The following RSU1 variants were observed in gnomAD, a reference collection of about 807,000 sequenced individuals.
The protein encoded by RSU1 is Ras suppressor protein 1.
A neutral mutation model predicts 31.1 loss-of-function variants in RSU1; 26 were observed. That is an observed-to-expected ratio of 0.84 (90% CI 0.61 to 1.16). The LOEUF (loss-of-function observed/expected upper bound fraction) is 1.16. Ranked by LOEUF, RSU1 falls within the 50% of genes most tolerant of loss-of-function variation. RSU1 has a pLI of 0.00. For missense variants in RSU1, 320 were observed against 339.1 expected, an observed-to-expected ratio of 0.94 and a Z score of 0.44; for synonymous variants, 164 against 136.3, an observed-to-expected ratio of 1.20 and a Z score of -1.41.
chr10:16,689,253 T>A (rs1835496897), intron 8 of RSU1, among the ~76,000 whole-genome samples: 1 of 152,238 alleles, frequency 6.6e-6, no homozygotes, highest in African/African-American at 2.4e-5. Context: ...GCTAGCTCTG[T>A]GCACCCATTT....
intron 8 of RSU1, among the ~76,000 whole-genome samples, chr10:16,644,577 A>G (rs1209239663): frequency 4.6e-5 from 7 of 152,216 alleles, no homozygotes; most frequent in Admixed American, 4.6e-4. Flanking sequence ...TCATACAGCT[A>G]AAAAGTAGTG....
chr10:16,679,876 T>G (rs1024486184), intron 8 of RSU1, among the ~76,000 whole-genome samples: 3 of 33,586 alleles, frequency 8.9e-5, no homozygotes, highest in East Asian at 1.5e-3. Context: ...CAAGTTTTTT[T>G]TTTTTTTTTT....
intron 4 of RSU1, among the ~76,000 whole-genome samples, 159 bp downstream of exon 4, chr10:16,764,231 T>A (rs1221858448): frequency 6.6e-6 from 1 of 152,190 alleles, no homozygotes; most frequent in Non-Finnish European, 1.5e-5. Flanking sequence ...ACTGAAAGAA[T>A]ATATTAAAAC....
intron 8 of RSU1, among the ~76,000 whole-genome samples, chr10:16,610,331 T>G (rs1833871709): frequency 6.6e-6 from 1 of 152,134 alleles, no homozygotes; most frequent in Admixed American, 6.5e-5. Flanking sequence ...TGTACTTAGA[T>G]GAAAGACATT....
chr10:16,805,149 G>A (rs1342535434), intron 2 of RSU1, among the ~76,000 whole-genome samples: 1 of 152,140 alleles, frequency 6.6e-6, no homozygotes, highest in Non-Finnish European at 1.5e-5. Context: ...AGAGGCTGCA[G>A]TGAGCCCAGA....
intron 8 of RSU1, among the ~76,000 whole-genome samples, chr10:16,682,628 C>A (rs1439202722): frequency 2.0e-5 from 3 of 149,724 alleles, no homozygotes; most frequent in Non-Finnish European, 3.0e-5. Context: ...TCGGGAACAC[C>A]TACTCTGTCT....
intron 8 of RSU1, among the ~76,000 whole-genome samples, chr10:16,689,787 T>C (rs770442519): frequency 6.6e-6 from 1 of 151,452 alleles, no homozygotes; most frequent in Non-Finnish European, 1.5e-5. Context: ...CACAAATGAG[T>C]GGGGAACTTT....
intron 7 of RSU1, among the ~76,000 whole-genome samples, chr10:16,731,292 C>A (rs530113922): frequency 6.6e-6 from 1 of 151,546 alleles, no homozygotes; most frequent in Non-Finnish European, 1.5e-5. Flanking sequence ...TAGCCGGGCG[C>A]GGGGGTGGGC....
intron 8 of RSU1, among the ~76,000 whole-genome samples, chr10:16,676,980 A>G (rs1835246705): frequency 6.6e-6 from 1 of 152,096 alleles, no homozygotes; most frequent in African/African-American, 2.4e-5. Flanking sequence ...ACTGTTAGGG[A>G]CCCTTGAATG....
chr10:16,742,834 C>A (rs1179006277), intron 7 of RSU1, among the ~76,000 whole-genome samples: 1 of 152,194 alleles, frequency 6.6e-6, no homozygotes, highest in African/African-American at 2.4e-5. Context: ...TGTGTTGCAA[C>A]TTCCCAACCC....
chr10:16,594,319 C>T (rs1833567873), intron 8 of RSU1, among the ~76,000 whole-genome samples: 1 of 152,144 alleles, frequency 6.6e-6, no homozygotes, highest in Non-Finnish European at 1.5e-5. Context: ...CGTCCCTGTA[C>T]CAGGTGGCCC....
intron 8 of RSU1, among the ~76,000 whole-genome samples, chr10:16,622,916 G>A (rs183864428): frequency 1.3e-5 from 2 of 152,312 alleles, no homozygotes; most frequent in Non-Finnish European, 2.9e-5. Flanking sequence ...TCAATGATCT[G>A]AATGTCTAAG....
At chr10:16,679,436 G>A (rs1724700047) in intron 8 of RSU1, among the ~76,000 whole-genome samples, 1 of 152,144 alleles carries the variant, frequency 6.6e-6, no homozygotes, top group South Asian at 2.1e-4. Flanking sequence ...GATAGCCACT[G>A]TTATTATTAA....
At chr10:16,734,964 G>A (rs892493746) in intron 7 of RSU1, among the ~76,000 whole-genome samples, 1 of 152,172 alleles carries the variant, frequency 6.6e-6, no homozygotes, top group Non-Finnish European at 1.5e-5. Flanking sequence ...GACACAGGGA[G>A]AAAAGGGCCA....
chr10:16,803,654 TAGAA>T (rs1463354252), intron 2 of RSU1, among the ~76,000 whole-genome samples: 1 of 152,042 alleles, frequency 6.6e-6, no homozygotes, highest in Admixed American at 6.6e-5. Flanking sequence ...TGGAATAAAA[TAGAA>T]AGCCCAGAAA....
In RSU1 at chr10:16,601,593, C is replaced by T. The variant is rs545138735; in HGVS notation, c.732-8097G>A. On this transcript the variant is annotated intron_variant, in intron 8 of 8. Transcript: ENST00000345264. Reference sequence around the variant, plus strand: ...TTCCCGATGCAGGTGACTTCCCTTCCCAGTGTGTCCTACACAGGATGTCTG... The same window carrying T: ...TTCCCGATGCAGGTGACTTCCCTTCTCAGTGTGTCCTACACAGGATGTCTG... Among the ~76,000 whole-genome samples the T allele has an allele frequency of 2.6e-5, 4 of 152,258 alleles. No homozygotes were observed. The East Asian group carries it at 7.7e-4, about 29-fold the overall frequency.
At chr10:16,658,555 C>G (rs1834830815) in intron 8 of RSU1, among the ~76,000 whole-genome samples, 1 of 152,080 alleles carries the variant, frequency 6.6e-6, no homozygotes, top group Non-Finnish European at 1.5e-5. Context: ...GAAACCCCGT[C>G]TCTACTAAAA....
At chr10:16,777,842 G>GGAA (rs1328896730) in intron 3 of RSU1, among the ~76,000 whole-genome samples, 1 of 152,068 alleles carries the variant, frequency 6.6e-6, no homozygotes, top group Non-Finnish European at 1.5e-5. Context: ...AAGAAACACA[G>GGAA]GAAGATGACC....
chr10:16,653,766 T>C (rs946386117), intron 8 of RSU1, among the ~76,000 whole-genome samples: 1 of 152,098 alleles, frequency 6.6e-6, no homozygotes, highest in African/African-American at 2.4e-5. Flanking sequence ...GACAAGAGCA[T>C]ACTACCTGTG....
Sources: allele counts gnomAD v4.1 joint callset (sites outside exome capture counted in the v4.1 genomes callset), GRCh38; gene constraint gnomAD v4.1.1; transcripts MANE v1.5; gene names NCBI Gene and HGNC (gene_info 2026-07-23, HGNC 2026-07-21).